CES5A: variants seen among roughly 807,000 people sequenced by gnomAD.
CES5A encodes the protein carboxylesterase 5A, also known as carboxylesterase 5.
CES5A carries 67 observed loss-of-function variants against 62.9 expected under a neutral mutation model. The observed-to-expected ratio is 1.07, with a 90% CI of 0.88 to 1.31. CES5A has a LOEUF of 1.31. CES5A is among the 50% of genes most tolerant of loss of function. The probability of loss-of-function intolerance (pLI) is 0.00; values close to 1 mark genes in which losing one functional copy is unlikely to be tolerated. For synonymous variants in CES5A, 296 were observed against 280.8 expected (o/e 1.05, Z -0.54); for missense variants, 748 against 708.5 (o/e 1.06, Z -0.63).
intron 9 of CES5A, among the ~76,000 whole-genome samples, chr16:55,855,166 T>C (rs1351743743): frequency 6.6e-6 from 1 of 152,244 alleles, no homozygotes; most frequent in African/African-American, 2.4e-5. Flanking sequence ...TGTCTTGTCA[T>C]CTCTGTCCAC....
upstream of CES5A, among the ~76,000 whole-genome samples, chr16:55,929,843 A>G (rs900995812): frequency 1.2e-4 from 18 of 152,308 alleles, no homozygotes; most frequent in African/African-American, 4.3e-4. Flanking sequence ...ATTTTTAAAT[A>G]TTGCAGAAAT....
chr16:55,916,604 C>A (rs1567353335), intron 1 of CES5A, among the ~76,000 whole-genome samples: 1 of 152,218 alleles, frequency 6.6e-6, no homozygotes, highest in Non-Finnish European at 1.5e-5. Flanking sequence ...TGCCATCAAA[C>A]TTGCTTCAGC....
At chr16:55,862,454 C>A (rs2033371878) in intron 6 of CES5A, among the ~76,000 whole-genome samples, 1 of 152,196 alleles carries the variant, frequency 6.6e-6, no homozygotes. Flanking sequence ...GATGTGCTTT[C>A]TCCACTGATA....
Position 55,861,481 on chromosome 16 carries a change from C to A in CES5A, c.846G>T (p.Ala282=), listed in dbSNP as rs117959025. 289 of 1,613,668 alleles carry A rather than the reference C, an allele frequency of 1.8e-4. No individual in the cohort carries two copies. Among genetic ancestry groups the A allele is most frequent in the Non-Finnish European group, 2.3e-4 (268 of 1,179,734 alleles). The change falls in exon 7 of 13, where the codon GCG becomes GCT. Residue 282 remains alanine (A), a synonymous_variant. Coordinates refer to ENST00000290567, the MANE Select transcript of CES5A (RefSeq NM_001143685.2). ...ACCTCAGCAGGGCCTCAGAGTCTGA[C>A]GCATTGTTACCACAGAAATGTGCAA... The part of the protein sequence containing the change: ...QVVAHFCGNN[A]SDSEALLRCL...
chr16:55,953,227 C>A (rs571203712), intron 1 of CES5A, among the ~76,000 whole-genome samples: 2 of 152,222 alleles, frequency 1.3e-5, no homozygotes, highest in East Asian at 1.9e-4. Flanking sequence ...CAGTGTACAT[C>A]GTAGTTATGG....
chr16:55,938,275 A>G (rs1403656374), intron 2 of CES5A, among the ~76,000 whole-genome samples: 1 of 152,192 alleles, frequency 6.6e-6, no homozygotes, highest in Non-Finnish European at 1.5e-5. Flanking sequence ...AGACTTGCAA[A>G]CATGCTCTCT....
chr16:55,870,003 T>A (rs1380058748), intron 3 of CES5A, among the ~76,000 whole-genome samples: 1 of 152,220 alleles, frequency 6.6e-6, no homozygotes, highest in African/African-American at 2.4e-5. Context: ...ATTTTTCTCA[T>A]CTGTAAAATG....
At chr16:55,942,244 C>A (rs1308477099) in intron 2 of CES5A, among the ~76,000 whole-genome samples, 1 of 151,828 alleles carries the variant, frequency 6.6e-6, no homozygotes, top group Admixed American at 6.6e-5. Context: ...TTTTAAAATC[C>A]CTACTTATGA....
At chr16:55,900,893 A>G (rs1266019049) in intron 1 of CES5A, among the ~76,000 whole-genome samples, 2 of 152,210 alleles carry the variant, frequency 1.3e-5, no homozygotes, top group Non-Finnish European at 2.9e-5. Context: ...GCACGTGGGA[A>G]GTGCTTATCC....
chr16:55,849,513 A>G (rs1282683041), intron 11 of CES5A, 111 bp downstream of exon 11: 6 of 1,184,390 alleles, frequency 5.1e-6, no homozygotes, highest in East Asian at 2.4e-5. Context: ...GTGTCCGCCT[A>G]TAAACCACAG....
At chr16:55,916,386 A>C (rs2034149198) in intron 1 of CES5A, among the ~76,000 whole-genome samples, 1 of 152,148 alleles carries the variant, frequency 6.6e-6, no homozygotes, top group Non-Finnish European at 1.5e-5. Flanking sequence ...TGAGTTTTGG[A>C]GAAAGCCTAT....
intron 5 of CES5A, among the ~76,000 whole-genome samples, chr16:55,864,405 C>T (rs2033415335): frequency 6.6e-6 from 1 of 152,176 alleles, no homozygotes; most frequent in African/African-American, 2.4e-5. Context: ...TTTTCTAACA[C>T]CTCTGTACAT....
intron 3 of CES5A, among the ~76,000 whole-genome samples, chr16:55,871,372 CTAAA>C (rs2033580450): frequency 6.6e-6 from 1 of 152,170 alleles, no homozygotes; most frequent in Non-Finnish European, 1.5e-5. Flanking sequence ...TTTCAGGTCA[CTAAA>C]TACGCAACAG....
chr16:55,890,975 CACCTGCTCCACCCTGACTCATTCCGATT>C (rs1400576759), intron 1 of CES5A, among the ~76,000 whole-genome samples: 22 of 152,234 alleles, frequency 1.4e-4, no homozygotes, highest in Middle Eastern at 3.4e-3. Flanking sequence ...CTTTTTCAAT[CACCTGCTCCACCCTGACTCATTCCGATT>C]ACCTGCTCCA....
Position 55,846,200 on chromosome 16 carries a change from A to T in CES5A, c.*251T>A. The T allele has an allele frequency of 1.9e-6, 1 of 539,096 alleles. No individual in the cohort carries two copies. Among genetic ancestry groups the T allele is most frequent in the East Asian group, 3.2e-5 (1 of 31,374 alleles). 33.4% of individuals were successfully genotyped at this position (539,096 alleles called of 1,614,324 possible). ...ATTTCATATGAGTTACAAAACCATTATTATGACAACTAATAGGCCAGCCCT... is the reference window on the plus strand; with the variant it reads ...ATTTCATATGAGTTACAAAACCATTTTTATGACAACTAATAGGCCAGCCCT... On this transcript the variant is annotated 3_prime_UTR_variant, in exon 13 of 13. Coordinates refer to ENST00000290567, the MANE Select transcript of CES5A (RefSeq NM_001143685.2).
At chr16:55,939,168 A>G (rs1228660901) in intron 2 of CES5A, among the ~76,000 whole-genome samples, 4 of 152,142 alleles carry the variant, frequency 2.6e-5, no homozygotes, top group Non-Finnish European at 5.9e-5. Context: ...GTGAAGAGAA[A>G]TTCTGTTTCC....
intron 1 of CES5A, among the ~76,000 whole-genome samples, chr16:55,925,064 A>C (rs1438584763): frequency 1.3e-5 from 2 of 152,134 alleles, no homozygotes; most frequent in African/African-American, 4.8e-5. Flanking sequence ...AGAAATGATC[A>C]ACAAAGTGAA....
At chr16:55,884,580 A>G (rs1186447394) in intron 1 of CES5A, among the ~76,000 whole-genome samples, 1 of 146,334 alleles carries the variant, frequency 6.8e-6, no homozygotes, top group African/African-American at 2.5e-5. Flanking sequence ...CCACCCCACA[A>G]CCACCACTAA....
At chr16:55,859,830 T>G (rs529499521) in intron 7 of CES5A, 143 bp from the exon 8 acceptor site, 1 of 677,114 alleles carries the variant, frequency 1.5e-6, no homozygotes, top group South Asian at 2.1e-5. Flanking sequence ...ACAAACACTA[T>G]GGGCCCAGCT....
Sources: gnomAD v4.1 joint callset for allele counts (sites outside exome capture counted in the v4.1 genomes callset) on GRCh38, gnomAD v4.1.1 for gene constraint, MANE v1.5 for transcripts, NCBI Gene and HGNC (gene_info 2026-07-23, HGNC 2026-07-21) for gene names.